Variants in THSD7B observed in about 807,000 individuals in gnomAD.
THSD7B encodes the protein thrombospondin type-1 domain-containing protein 7B.
In THSD7B, 138 loss-of-function variants were observed where a neutral mutation model predicts 213.6. That is an observed-to-expected ratio of 0.65 (90% CI 0.56 to 0.74). The LOEUF is 0.74. THSD7B is among the 30% of genes least tolerant of loss of function. The pLI is 0.00. For missense variants in THSD7B, 1,931 were observed against 1,991.5 expected, an observed-to-expected ratio of 0.97 and a Z score of 0.58; for synonymous variants, 742 against 687.0, an observed-to-expected ratio of 1.08 and a Z score of -1.25.
intron 21 of THSD7B, among the ~76,000 whole-genome samples, chr2:137,655,142 C>G (rs908145816): frequency 2.6e-5 from 4 of 152,146 alleles, no homozygotes; most frequent in African/African-American, 9.7e-5. Context: ...GAAATTTATG[C>G]CCTGTAACTT....
At chr2:137,583,377 C>A (rs575800091) in intron 17 of THSD7B, among the ~76,000 whole-genome samples, 2 of 152,080 alleles carry the variant, frequency 1.3e-5, no homozygotes, top group East Asian at 3.8e-4. Context: ...CTTTTGTTGC[C>A]GTTGTTTTTG....
At chr2:137,228,453 A>G (rs1030194270) in intron 7 of THSD7B, among the ~76,000 whole-genome samples, 1 of 152,174 alleles carries the variant, frequency 6.6e-6, no homozygotes, top group Non-Finnish European at 1.5e-5. Flanking sequence ...GGGAAACCTG[A>G]GTAACTGGGA....
At chr2:136,912,998 G>T (rs1247820758) in intron 2 of THSD7B, among the ~76,000 whole-genome samples, 6 of 152,196 alleles carry the variant, frequency 3.9e-5, no homozygotes, top group African/African-American at 1.4e-4. Context: ...AGTTTGAAGG[G>T]CTCAGAAGAT....
At chr2:137,078,542 A>AT (rs1429687022) in intron 3 of THSD7B, among the ~76,000 whole-genome samples, 1 of 151,918 alleles carries the variant, frequency 6.6e-6, no homozygotes, top group Non-Finnish European at 1.5e-5. Context: ...GTTTGGTTTA[A>AT]TTTTTTAGCA....
At chr2:137,040,672 A>C (rs7597327) in intron 2 of THSD7B, among the ~76,000 whole-genome samples, 88,322 of 152,018 alleles carry the variant, frequency 0.58, 29,620 homozygotes, top group Non-Finnish European at 0.73. Flanking sequence ...GGATTACAGG[A>C]ATGAGCCACC....
chr2:136,817,778 C>A (rs1164182681), intron 1 of THSD7B, among the ~76,000 whole-genome samples: 2 of 148,808 alleles, frequency 1.3e-5, no homozygotes, highest in East Asian at 2.0e-4. Context: ...TTTATGCAGC[C>A]AAAAAACACA....
chr2:137,644,186 T>A (rs1682988364), intron 21 of THSD7B, among the ~76,000 whole-genome samples: 1 of 152,126 alleles, frequency 6.6e-6, no homozygotes, highest in African/African-American at 2.4e-5. Context: ...TCCAGAAACT[T>A]CAGAGTTGCC....
chr2:137,035,154 C>CG (rs1370872739), intron 2 of THSD7B, among the ~76,000 whole-genome samples: 3 of 152,082 alleles, frequency 2.0e-5, no homozygotes, highest in Middle Eastern at 3.2e-3. Context: ...TTATCGTTTC[C>CG]CTTTTTTTGG....
chr2:137,119,053 T>C (rs988087338), intron 5 of THSD7B, among the ~76,000 whole-genome samples: 1 of 152,126 alleles, frequency 6.6e-6, no homozygotes, highest in Admixed American at 6.5e-5. Flanking sequence ...GTGGGAATTA[T>C]GGGAGGTATA....
chr2:136,983,308 G>C (rs1022200648), intron 2 of THSD7B, among the ~76,000 whole-genome samples: 1 of 94,534 alleles, frequency 1.1e-5, no homozygotes, highest in African/African-American at 3.3e-5. Flanking sequence ...CTTTACTAAT[G>C]GTAGCTTGTT....
At chr2:137,393,450 G>A (rs1686093664) in intron 12 of THSD7B, among the ~76,000 whole-genome samples, 1 of 149,526 alleles carries the variant, frequency 6.7e-6, no homozygotes, top group African/African-American at 2.5e-5. Flanking sequence ...TGAGAATGAT[G>A]ATTTCCAATT....
intron 7 of THSD7B, among the ~76,000 whole-genome samples, chr2:137,210,394 G>A (rs901645852): frequency 2.6e-5 from 4 of 152,006 alleles, no homozygotes; most frequent in African/African-American, 9.7e-5. Context: ...TTGGTTCAGA[G>A]ATATATGGGG....
chr2:137,612,500 C>T (rs1262550908), intron 17 of THSD7B, among the ~76,000 whole-genome samples: 1 of 152,120 alleles, frequency 6.6e-6, no homozygotes, highest in African/African-American at 2.4e-5. Flanking sequence ...TTTGTCAGAA[C>T]TCAGTAACAT....
intron 1 of THSD7B, among the ~76,000 whole-genome samples, chr2:136,799,215 C>G (rs16836738): frequency 2.6e-5 from 4 of 151,850 alleles, no homozygotes; most frequent in African/African-American, 9.7e-5. Flanking sequence ...TGGGATTTTA[C>G]CACAATGTCA....
At chr2:137,120,376 A>G (rs1228980721) in intron 5 of THSD7B, among the ~76,000 whole-genome samples, 1 of 151,804 alleles carries the variant, frequency 6.6e-6, no homozygotes, top group Non-Finnish European at 1.5e-5. Flanking sequence ...GGTGAAGACA[A>G]GCAGTTACTC....
intron 2 of THSD7B, among the ~76,000 whole-genome samples, chr2:137,048,410 C>T (rs16855739): frequency 0.097 from 14,814 of 152,048 alleles, 1,026 homozygotes; most frequent in African/African-American, 0.19. Flanking sequence ...CAGCCAGTAC[C>T]TTGTTTGTTC....
At chr2:137,569,485 C>T (rs755032381) in intron 16 of THSD7B, among the ~76,000 whole-genome samples, 12 of 152,120 alleles carry the variant, frequency 7.9e-5, no homozygotes, top group Non-Finnish European at 1.8e-4. Context: ...GATGGGCAAT[C>T]ACTTACCTGT....
chr2:137,157,042 T>C (rs1046541775), intron 5 of THSD7B, among the ~76,000 whole-genome samples: 1 of 152,208 alleles, frequency 6.6e-6, no homozygotes, highest in Admixed American at 6.5e-5. Context: ...ATATGGACTC[T>C]ATGAAGACAG....
chr2:137,286,859 A>G (rs1683195451), intron 12 of THSD7B, among the ~76,000 whole-genome samples: 1 of 152,184 alleles, frequency 6.6e-6, no homozygotes. Flanking sequence ...TGCCCCTTCC[A>G]TAAATGTAAC....
Sources: allele counts gnomAD v4.1 joint callset (sites outside exome capture counted in the v4.1 genomes callset), GRCh38; gene constraint gnomAD v4.1.1; transcripts MANE v1.5; gene names NCBI Gene and HGNC (gene_info 2026-07-23, HGNC 2026-07-21).